Variants in PYGB observed in about 807,000 individuals in gnomAD.
The protein encoded by PYGB is glycogen phosphorylase B, also known as glycogen phosphorylase, brain form.
A neutral mutation model predicts 94.3 loss-of-function variants in PYGB; 82 were observed. The ratio of observed to expected loss-of-function variants is 0.87; its 90% CI spans 0.73 to 1.04. The LOEUF (loss-of-function observed/expected upper bound fraction) is 1.04, where lower values mean the gene tolerates loss of function less well. PYGB is among the 50% of genes least tolerant of loss of function. The pLI, the probability that PYGB is intolerant of heterozygous loss-of-function variation, is 0.00. For missense variants in PYGB, 1,132 were observed against 1,158.2 expected (o/e 0.98, Z 0.33); for synonymous variants, 488 against 479.1 (o/e 1.02, Z -0.24).
intron 1 of PYGB, among the ~76,000 whole-genome samples, chr20:25,254,071 CAAA>C (rs11350552): frequency 2.5e-4 from 32 of 129,672 alleles, no homozygotes; most frequent in East Asian, 1.3e-3. Context: ...GACTCTGTCT[CAAA>C]AAAAAAAAAA....
intron 14 of PYGB, among the ~76,000 whole-genome samples, chr20:25,286,416 C>T (rs937448242): frequency 5.3e-5 from 8 of 152,134 alleles, no homozygotes; most frequent in African/African-American, 1.9e-4. Flanking sequence ...TGCCCCCCTC[C>T]CTGAGGACTT....
chr20:25,266,926 G>T (rs1313412236), intron 2 of PYGB, among the ~76,000 whole-genome samples: 1 of 152,208 alleles, frequency 6.6e-6, no homozygotes. Flanking sequence ...AAAATAGTCT[G>T]CTAGTTACTA....
chr20:25,290,690 C>T (rs2258066), intron 16 of PYGB, 68 bp downstream of exon 16: 705,543 of 1,568,500 alleles, frequency 0.45, 165,153 homozygotes, highest in East Asian at 0.92. Context: ...GTACTGGCCC[C>T]GGGCCTTTCA....
chr20:25,257,726 C>G (rs556065089), intron 1 of PYGB, among the ~76,000 whole-genome samples: 1 of 152,278 alleles, frequency 6.6e-6, no homozygotes, highest in African/African-American at 2.4e-5. Context: ...ATGTTCCTGG[C>G]CTGTCAGCTT....
Position 25,297,096 on chromosome 20 carries a change from C to A in PYGB, c.*574C>A. On this transcript the variant is annotated 3_prime_UTR_variant, in exon 20 of 20. Transcript: ENST00000216962. Reference sequence around the variant, plus strand: ...CCCCCTGCCCTCTGTCCTGGCTCTGCACCTGGTATATGGGTCATGGACCCA... The same window carrying A: ...CCCCCTGCCCTCTGTCCTGGCTCTGAACCTGGTATATGGGTCATGGACCCA... 6.3e-6 allele frequency: 1 copy of A among 157,766 alleles called. No homozygotes were observed. The highest frequency in any genetic ancestry group is 1.4e-5 in the Non-Finnish European group (1 of 71,238). 9.8% of individuals were successfully genotyped at this position (157,766 alleles called of 1,614,324 possible).
At chr20:25,272,583 G>A (rs983997903) in intron 4 of PYGB, among the ~76,000 whole-genome samples, 3 of 152,238 alleles carry the variant, frequency 2.0e-5, no homozygotes, top group African/African-American at 7.2e-5. Context: ...GGTGCATAAT[G>A]TTTCTGCATG....
rs2088322863 is a variant in PYGB, at chr20:25,277,380, A to G, written c.855+54A>G. On this transcript the variant is annotated intron_variant, in intron 7 of 19. Coordinates refer to ENST00000216962, the MANE Select transcript of PYGB (RefSeq NM_002862.4). ...CAGGCCGTATCGCTTTCTGGCATAG[A>G]GAGGTGGGCTGGCTGGCCGGGCTCC... 14 of 1,502,424 alleles carry G rather than the reference A, an allele frequency of 9.3e-6. No individual in the cohort carries two copies. The Middle Eastern group carries it at 1.2e-3, about 129-fold the overall frequency. The allele number at this position is 1,502,424 out of a possible 1,614,324, so 93.1% of individuals were successfully genotyped here.
intron 2 of PYGB, among the ~76,000 whole-genome samples, chr20:25,268,212 G>A: frequency 8.4e-6 from 1 of 119,622 alleles, no homozygotes; most frequent in Admixed American, 1.3e-4. Context: ...CTTTGAAATT[G>A]CTTTACGAAT....
chr20:25,280,668 C>T (rs893408835), intron 10 of PYGB, among the ~76,000 whole-genome samples: 1 of 152,226 alleles, frequency 6.6e-6, no homozygotes, highest in African/African-American at 2.4e-5. Context: ...GACAGCAGCC[C>T]TGTGGGTCCC....
At chr20:25,258,065 T>C (rs1257505333) in intron 1 of PYGB, among the ~76,000 whole-genome samples, 2 of 152,224 alleles carry the variant, frequency 1.3e-5, no homozygotes, top group East Asian at 3.8e-4. Flanking sequence ...TTGGAATTTA[T>C]ACAGTAATGT....
In PYGB at chr20:25,294,842, T is replaced by G. The variant is rs540926632; in HGVS notation, c.2312+550T>G. On this transcript the variant is annotated intron_variant, in intron 18 of 19. Transcript: ENST00000216962. Reference sequence around the variant, plus strand: ...TTGTAAGGTTTGCAGCTCAGGGCAGTTCTTCACCGTTGGCAAAAGTTGAAT... The same window carrying G: ...TTGTAAGGTTTGCAGCTCAGGGCAGGTCTTCACCGTTGGCAAAAGTTGAAT... The G allele has an allele frequency of 7.3e-5, 70 of 964,254 alleles. No individual in the cohort carries two copies. In the African/African-American group the frequency reaches 1.1e-3, roughly 15 times the overall value. 59.7% of individuals were successfully genotyped at this position (964,254 alleles called of 1,614,324 possible).
At chr20:25,256,831 C>T (rs545784601) in intron 1 of PYGB, among the ~76,000 whole-genome samples, 1 of 152,356 alleles carries the variant, frequency 6.6e-6, no homozygotes, top group Admixed American at 6.5e-5. Flanking sequence ...AGCTAGGTCC[C>T]TAGGCTGTTG....
At chr20:25,269,842 G>T (rs1374241675) in intron 3 of PYGB, among the ~76,000 whole-genome samples, 1 of 152,106 alleles carries the variant, frequency 6.6e-6, no homozygotes, top group Non-Finnish European at 1.5e-5. Context: ...CCCCGGCCCC[G>T]AGACCTGCTT....
chr20:25,297,975 T>G lies in PYGB; in HGVS notation c.*1453T>G, dbSNP rs1458453674. The G allele has an allele frequency of 1.3e-5, 2 of 152,244 alleles. No individual in the cohort carries two copies. The highest frequency in any genetic ancestry group is 1.3e-4 in the Admixed American group (2 of 15,288). 9.4% of individuals were successfully genotyped at this position (152,244 alleles called of 1,614,324 possible). ...CCCTCATTGTTACTGCCTTGTGAGATAAAAACTGATTAAACCTTTGTGGCT... is the reference window on the plus strand; with the variant it reads ...CCCTCATTGTTACTGCCTTGTGAGAGAAAAACTGATTAAACCTTTGTGGCT... On this transcript the variant is annotated 3_prime_UTR_variant, in exon 20 of 20. Coordinates refer to ENST00000216962, the MANE Select transcript of PYGB (RefSeq NM_002862.4).
chr20:25,288,565 C>T, intron 15 of PYGB, 82 bp downstream of exon 15: 3 of 1,474,854 alleles, frequency 2.0e-6, no homozygotes, highest in Non-Finnish European at 2.8e-6. Context: ...TCTCATGGTG[C>T]CACCACATCC....
At position 25,296,685 on chromosome 20, in the gene PYGB, G is replaced by A. The variant is rs1228029344; in HGVS notation, c.*163G>A. On this transcript the variant is annotated 3_prime_UTR_variant, in exon 20 of 20. Transcript: ENST00000216962. ...GTCAGGGTGGTTTTGAGAGAGCAGG[G>A]TAAGGAAGGAATGTGCTAGAAGTGC... 6.5e-6 allele frequency: 6 copies of A among 928,192 alleles called. No homozygotes were observed. The highest frequency in any genetic ancestry group is 9.4e-6 in the Non-Finnish European group (6 of 637,386). 57.5% of individuals were successfully genotyped at this position (928,192 alleles called of 1,614,324 possible).
chr20:25,267,321 G>T (rs1351483143), intron 2 of PYGB, among the ~76,000 whole-genome samples: 1 of 152,156 alleles, frequency 6.6e-6, no homozygotes. Flanking sequence ...TGATGGGCAC[G>T]GGGCTGCTTT....
intron 4 of PYGB, 103 bp from the exon 5 acceptor site, chr20:25,274,489 C>G (rs1011443407): frequency 4.1e-6 from 6 of 1,448,428 alleles, no homozygotes; most frequent in Non-Finnish European, 5.5e-6. Flanking sequence ...ATTTCAGTGC[C>G]AGGCACTGTG....
In PYGB at chr20:25,294,160, A is replaced by G. The variant is rs2088502620; in HGVS notation, c.2180A>G (p.Tyr727Cys). 13 of 1,613,486 alleles carry G rather than the reference A, an allele frequency of 8.1e-6. No individual in the cohort carries two copies. Among genetic ancestry groups the G allele is most frequent in the Non-Finnish European group, 1.1e-5 (13 of 1,180,012 alleles). The change falls in exon 18 of 20, where the codon TAC becomes TGC. Residue 727 changes from tyrosine (Y) to cysteine (C), a missense_variant and splice_region_variant. Tyr to Cys is a radical substitution (Grantham distance 194, BLOSUM62 -2). Coordinates refer to ENST00000216962, the MANE Select transcript of PYGB (RefSeq NM_002862.4). ...ACTCCTGGCCCATCGCCTCACAGGTACAATGCCAGGGAGTACTACGACCAC... is the reference window on the plus strand; with the variant it reads ...ACTCCTGGCCCATCGCCTCACAGGTGCAATGCCAGGGAGTACTACGACCAC... ...EDVEALDRKG[Y>C]NAREYYDHLP...
Sources: allele counts gnomAD v4.1 joint callset (sites outside exome capture counted in the v4.1 genomes callset), GRCh38; gene constraint gnomAD v4.1.1; transcripts MANE v1.5; gene names NCBI Gene and HGNC (gene_info 2026-07-23, HGNC 2026-07-21).